Variants in RCAN1 observed in about 807,000 individuals in gnomAD.
The protein encoded by RCAN1 is calcipressin-1.
Under a neutral mutation model 22.9 loss-of-function variants are expected in RCAN1, and 11 were observed. That is an observed-to-expected ratio of 0.48 (90% CI 0.30 to 0.79). The LOEUF (loss-of-function observed/expected upper bound fraction) is 0.79, where lower values mean the gene tolerates loss of function less well. Among genes scored for constraint, RCAN1 ranks in the 30% least tolerant of loss-of-function variants. RCAN1 has a pLI of 0.06. For synonymous variants in RCAN1, 136 were observed against 142.3 expected (o/e 0.96, Z 0.32); for missense variants, 291 against 337.8 (o/e 0.86, Z 1.09).
chr21:34,533,267 T>C lies in RCAN1; in HGVS notation c.253-9557A>G, dbSNP rs145546337. ...GAGCCACCGCGCCAGGCCCAAAATA[T>C]ACTTAAATAGGATACACTGAGAAAG... is the stretch of plus-strand genomic sequence containing the variant. On this transcript the variant is annotated intron_variant, in intron 1 of 3. Coordinates refer to ENST00000313806, the MANE Select transcript of RCAN1 (RefSeq NM_004414.7). Among the ~76,000 whole-genome samples, 1,518 of 152,290 alleles carry C rather than the reference T, an allele frequency of 1.0e-2. 18 individuals are homozygous for C. Among genetic ancestry groups the C allele is most frequent in the African/African-American group, 0.034 (1,428 of 41,546 alleles).
intron 1 of RCAN1, among the ~76,000 whole-genome samples, chr21:34,580,742 A>G (rs1178607916): frequency 6.6e-6 from 1 of 152,136 alleles, no homozygotes; most frequent in Non-Finnish European, 1.5e-5. Context: ...GCCCCACTCT[A>G]TAGATGAAGG....
intron 1 of RCAN1, among the ~76,000 whole-genome samples, chr21:34,607,329 A>G (rs1988558319): frequency 6.6e-6 from 1 of 152,196 alleles, no homozygotes; most frequent in South Asian, 2.1e-4. Context: ...AGATTAGAAA[A>G]AAATCCTCTT....
chr21:34,521,740 G>C, intron 2 of RCAN1, 82 bp from the exon 3 acceptor site: 1 of 1,187,930 alleles, frequency 8.4e-7, no homozygotes, highest in Non-Finnish European at 1.2e-6. Flanking sequence ...CCAGTTCCGG[G>C]AGATGGGCAG....
intron 1 of RCAN1, among the ~76,000 whole-genome samples, chr21:34,529,255 C>T (rs1222844644): frequency 1.3e-5 from 2 of 152,156 alleles, no homozygotes; most frequent in African/African-American, 4.8e-5. Flanking sequence ...GGGGAGGGCA[C>T]TTAGGATCTG....
At chr21:34,533,033 T>C (rs1264566750) in intron 1 of RCAN1, among the ~76,000 whole-genome samples, 2 of 151,388 alleles carry the variant, frequency 1.3e-5, no homozygotes, top group Non-Finnish European at 2.9e-5. Context: ...CTATCTCGGC[T>C]CACTGCAAGC....
Position 34,518,356 on chromosome 21 carries a change from G to T in RCAN1, c.587-100C>A. The T allele has an allele frequency of 3.2e-6, 4 of 1,269,304 alleles. No homozygotes were observed. The highest frequency in any genetic ancestry group is 4.3e-6 in the Non-Finnish European group (4 of 920,960). The allele number at this position is 1,269,304 out of a possible 1,614,324, so 78.6% of individuals were successfully genotyped here. On this transcript the variant is annotated intron_variant, in intron 3 of 3. Coordinates refer to ENST00000313806, the MANE Select transcript of RCAN1 (RefSeq NM_004414.7). This position sits in a 1 kb window ranked among gnomAD's most constrained non-coding sequence, Gnocchi z 4.2. ...CAGGGCTCTGCTGGGCCAGCTGCTCGTGACCATTCGATTGGGCTGAGAGAC... is the reference window on the plus strand; with the variant it reads ...CAGGGCTCTGCTGGGCCAGCTGCTCTTGACCATTCGATTGGGCTGAGAGAC...
At chr21:34,584,049 G>A (rs1476648463) in intron 1 of RCAN1, among the ~76,000 whole-genome samples, 2 of 152,276 alleles carry the variant, frequency 1.3e-5, no homozygotes, top group African/African-American at 4.8e-5. Flanking sequence ...ATGGAATAAG[G>A]GAATGGTTGT....
intron 1 of RCAN1, among the ~76,000 whole-genome samples, chr21:34,565,035 C>CT (rs1986952724): frequency 1.1e-5 from 1 of 88,884 alleles, no homozygotes; most frequent in Admixed American, 1.1e-4. Context: ...CCCATCTCTA[C>CT]CAAAATTAAA....
At chr21:34,613,406 C>T (rs1988732689) in intron 1 of RCAN1, among the ~76,000 whole-genome samples, 2 of 152,184 alleles carry the variant, frequency 1.3e-5, no homozygotes, top group African/African-American at 4.8e-5. Flanking sequence ...GTACCTATCC[C>T]GTAGCGAAGT....
Position 34,517,859 on chromosome 21 carries a change from A to C in RCAN1, c.*225T>G. ...AAATGTCCTTGTGCGATCACCACAA[A>C]CTCAGTGATTGGCCCAAGTCATTCC... On this transcript the variant is annotated 3_prime_UTR_variant, in exon 4 of 4. Transcript: ENST00000313806. 1 of 583,972 alleles carries C rather than the reference A, an allele frequency of 1.7e-6. No homozygotes were observed. Among genetic ancestry groups the C allele is most frequent in the Non-Finnish European group, 3.0e-6 (1 of 328,194 alleles). 36.2% of individuals were successfully genotyped at this position (583,972 alleles called of 1,614,324 possible).
chr21:34,526,053 A>G (rs1985025282), intron 1 of RCAN1, among the ~76,000 whole-genome samples: 1 of 152,248 alleles, frequency 6.6e-6, no homozygotes, highest in Admixed American at 6.5e-5. Flanking sequence ...ATAGCTGCTG[A>G]TGAAAAAACT....
chr21:34,570,573 T>G (rs1987198302), intron 1 of RCAN1, among the ~76,000 whole-genome samples: 1 of 152,250 alleles, frequency 6.6e-6, no homozygotes, highest in South Asian at 2.1e-4. Flanking sequence ...GGCTCAAAAC[T>G]CTTTTTGCCT....
At chr21:34,584,136 C>T (rs764252878) in intron 1 of RCAN1, among the ~76,000 whole-genome samples, 3 of 152,174 alleles carry the variant, frequency 2.0e-5, no homozygotes, top group African/African-American at 4.8e-5. Context: ...CTGCTGTCAT[C>T]GTGCAACAAT....
intron 1 of RCAN1, among the ~76,000 whole-genome samples, chr21:34,610,314 G>A (rs578039799): frequency 1.3e-5 from 2 of 152,310 alleles, no homozygotes; most frequent in African/African-American, 4.8e-5. Flanking sequence ...GAGGCCAAGT[G>A]CATGATCTGC....
At chr21:34,534,864 G>C (rs897728267) in intron 1 of RCAN1, among the ~76,000 whole-genome samples, 39 of 152,196 alleles carry the variant, frequency 2.6e-4, no homozygotes, top group African/African-American at 9.4e-4. Flanking sequence ...AGGATGCCAG[G>C]CACTGGCCCG....
At chr21:34,528,560 C>A (rs1014546512) in intron 1 of RCAN1, among the ~76,000 whole-genome samples, 4 of 152,180 alleles carry the variant, frequency 2.6e-5, no homozygotes, top group East Asian at 1.9e-4. Context: ...GTACAGGGAG[C>A]CTTTGTCTGT....
intron 1 of RCAN1, among the ~76,000 whole-genome samples, chr21:34,580,841 T>A (rs1987580229): frequency 6.6e-6 from 1 of 152,188 alleles, no homozygotes; most frequent in Non-Finnish European, 1.5e-5. Flanking sequence ...CTCCTGGCCT[T>A]GCAAACTTTC....
intron 3 of RCAN1, among the ~76,000 whole-genome samples, chr21:34,520,337 G>T (rs894428362): frequency 6.6e-6 from 1 of 152,124 alleles, no homozygotes; most frequent in Non-Finnish European, 1.5e-5. Flanking sequence ...TAACCTAGGG[G>T]AAGACTCCAC....
chr21:34,595,308 G>A (rs907216293), intron 1 of RCAN1, among the ~76,000 whole-genome samples: 9 of 152,190 alleles, frequency 5.9e-5, no homozygotes, highest in Non-Finnish European at 4.4e-5. Context: ...TGAGATGCTG[G>A]AAAAGAGGGT....
Sources: gnomAD v4.1 joint callset for allele counts (sites outside exome capture counted in the v4.1 genomes callset) on GRCh38, gnomAD v4.1.1 for gene constraint, Gnocchi (gnomAD v3.1) non-coding constraint, MANE v1.5 for transcripts, NCBI Gene and HGNC (gene_info 2026-07-23, HGNC 2026-07-21) for gene names.